NEBL: variants seen among roughly 807,000 people sequenced by gnomAD.
The protein encoded by NEBL is nebulette.
Under a neutral mutation model 140.2 loss-of-function variants are expected in NEBL, and 122 were observed. The observed-to-expected ratio is 0.87, with a 90% CI of 0.75 to 1.01. The LOEUF (loss-of-function observed/expected upper bound fraction) is 1.01, where lower values mean the gene tolerates loss of function less well. NEBL is among the 50% of genes least tolerant of loss of function. The probability of loss-of-function intolerance (pLI) is 0.00; values close to 1 mark genes in which losing one functional copy is unlikely to be tolerated. For missense variants in NEBL, 1,365 were observed against 1,231.3 expected (o/e 1.11, Z -1.62); for synonymous variants, 436 against 398.9 (o/e 1.09, Z -1.11).
chr10:21,099,541 A>G (rs1418781173), intron 2 of NEBL, among the ~76,000 whole-genome samples: 1 of 151,952 alleles, frequency 6.6e-6, no homozygotes, highest in Non-Finnish European at 1.5e-5. Context: ...GCTTTTATTT[A>G]TTTCATCTTG....
intron 7 of NEBL, among the ~76,000 whole-genome samples, chr10:20,865,521 C>T (rs1196485693): frequency 6.6e-6 from 1 of 152,128 alleles, no homozygotes; most frequent in Non-Finnish European, 1.5e-5. Context: ...AACCATACTG[C>T]TTCTCCGGGA....
chr10:20,802,667 T>C (rs1270780014), intron 26 of NEBL, among the ~76,000 whole-genome samples: 2 of 152,162 alleles, frequency 1.3e-5, no homozygotes, highest in Non-Finnish European at 2.9e-5. Flanking sequence ...GAAAACCAAA[T>C]GTGAACGATG....
At chr10:21,119,500 C>A (rs1259541351) in intron 2 of NEBL, among the ~76,000 whole-genome samples, 1 of 148,256 alleles carries the variant, frequency 6.7e-6, no homozygotes, top group African/African-American at 2.5e-5. Flanking sequence ...CTGAATATAA[C>A]ATATATAGTT....
At chr10:20,896,483 C>CATATGCAT (rs1256761091) in intron 2 of NEBL, among the ~76,000 whole-genome samples, 1 of 88,080 alleles carries the variant, frequency 1.1e-5, no homozygotes, top group African/African-American at 4.3e-5. Context: ...ATATTATATG[C>CATATGCAT]ATATATATAT....
In NEBL at chr10:21,028,929, TA is replaced by T. The variant is rs1833656330; in HGVS notation, c.165-8729del. On this transcript the variant is annotated intron_variant, in intron 2 of 6. Transcript: ENST00000417816. The stretch of plus-strand genomic sequence containing the variant: ...ATATTGTCATATTTTTAAATTCCAC[TA>T]AAAAATAGCTATACTAATATGAGAC... 6.4e-6 allele frequency: 3 copies of T among 467,980 alleles called. No individual in the cohort carries two copies. The South Asian group carries it at 1.1e-4, about 17-fold the overall frequency. 29.0% of individuals were successfully genotyped at this position (467,980 alleles called of 1,614,324 possible).
chr10:20,948,975 A>G (rs1835310575), intron 4 of NEBL, among the ~76,000 whole-genome samples: 1 of 152,216 alleles, frequency 6.6e-6, no homozygotes, highest in South Asian at 2.1e-4. Flanking sequence ...CACTCTACAC[A>G]TACGTGGCAA....
At chr10:20,975,111 C>T (rs900384665) in intron 3 of NEBL, among the ~76,000 whole-genome samples, 2 of 152,170 alleles carry the variant, frequency 1.3e-5, no homozygotes, top group Middle Eastern at 3.2e-3. Flanking sequence ...AGGTCAGTTT[C>T]CCAAAATGAC....
intron 26 of NEBL, among the ~76,000 whole-genome samples, chr10:20,800,106 A>G (rs1431585482): frequency 6.6e-6 from 1 of 152,144 alleles, no homozygotes; most frequent in African/African-American, 2.4e-5. Context: ...GCTACTTTGT[A>G]TCATTTGAGT....
In NEBL at chr10:20,875,460, G is replaced by A. The variant is rs569094376; in HGVS notation, c.480+5334C>T. Among the ~76,000 whole-genome samples, 3 of 152,328 alleles carry A rather than the reference G, an allele frequency of 2.0e-5. No homozygotes were observed. The South Asian group carries it at 6.2e-4, about 32-fold the overall frequency. On this transcript the variant is annotated intron_variant, in intron 5 of 27. Transcript: ENST00000377122. ...ATAAGAGAAATGCATATGAGATTTT[G>A]AAAGTGGATGTGAAATAGACATCTT...
chr10:21,039,996 C>A (rs1409530287), intron 2 of NEBL, among the ~76,000 whole-genome samples: 1 of 152,126 alleles, frequency 6.6e-6, no homozygotes, highest in African/African-American at 2.4e-5. Flanking sequence ...ATTACACAGC[C>A]AGAGAATATT....
At chr10:20,874,644 A>T (rs1845302680) in intron 5 of NEBL, among the ~76,000 whole-genome samples, 1 of 152,224 alleles carries the variant, frequency 6.6e-6, no homozygotes, top group South Asian at 2.1e-4. Flanking sequence ...TGTCAATTAC[A>T]TACACAACAG....
intron 2 of NEBL, among the ~76,000 whole-genome samples, chr10:21,037,193 A>G (rs1834047569): frequency 6.7e-6 from 1 of 149,432 alleles, no homozygotes; most frequent in Non-Finnish European, 1.5e-5. Flanking sequence ...ACAAGCAGCC[A>G]GCGACCATCC....
At chr10:20,973,979 C>T (rs1836687924) in intron 3 of NEBL, among the ~76,000 whole-genome samples, 1 of 152,130 alleles carries the variant, frequency 6.6e-6, no homozygotes, top group African/African-American at 2.4e-5. Flanking sequence ...GATTTTATAC[C>T]CCAGTATCCT....
At chr10:20,796,115 G>C (rs1435519252) in intron 26 of NEBL, among the ~76,000 whole-genome samples, 1 of 152,070 alleles carries the variant, frequency 6.6e-6, no homozygotes, top group Admixed American at 6.6e-5. Context: ...TCCAATCCCA[G>C]CATTTTGGGA....
chr10:21,209,852 T>A (rs939444571), intron 3 of NEBL, among the ~76,000 whole-genome samples: 8 of 151,956 alleles, frequency 5.3e-5, no homozygotes, highest in African/African-American at 1.9e-4. Flanking sequence ...GCTGACACTG[T>A]CTTTCCTTGC....
rs757474521 is a variant in NEBL at position 21,255,888 on chromosome 10, A to G, written n.183-4060T>C. Among the ~76,000 whole-genome samples, 185 of 151,598 alleles carry G rather than the reference A, an allele frequency of 1.2e-3. 1 individual carries two copies. Among genetic ancestry groups the G allele is most frequent in the Non-Finnish European group, 2.2e-3 (147 of 67,894 alleles). On this transcript the variant is annotated intron_variant and non_coding_transcript_variant, in intron 1 of 8. Coordinates refer to the NEBL transcript ENST00000675702. ...TCCCAGCTACTCGGGAGGCTGAGGC[A>G]GGAGAATTGCTTGAGCCCGGGAGGC...
intron 23 of NEBL, among the ~76,000 whole-genome samples, chr10:20,813,319 A>G (rs1838359046): frequency 6.6e-6 from 1 of 152,010 alleles, no homozygotes. Context: ...AGTGATATCT[A>G]TTTCCAGGCA....
intron 3 of NEBL, among the ~76,000 whole-genome samples, chr10:21,220,353 G>A (rs1412163440): frequency 1.3e-5 from 2 of 152,128 alleles, no homozygotes; most frequent in South Asian, 4.1e-4. Flanking sequence ...ACACTATTAT[G>A]ATCAATTGAT....
chr10:21,202,337 C>A (rs1174170830), intron 3 of NEBL, among the ~76,000 whole-genome samples: 1 of 151,952 alleles, frequency 6.6e-6, no homozygotes, highest in Non-Finnish European at 1.5e-5. Context: ...CCTAAAAGTT[C>A]CTGTTACATT....
Sources: gnomAD v4.1 joint callset for allele counts (sites outside exome capture counted in the v4.1 genomes callset) on GRCh38, gnomAD v4.1.1 for gene constraint, MANE v1.5 for transcripts, NCBI Gene and HGNC (gene_info 2026-07-23, HGNC 2026-07-21) for gene names.